The following HAPLN1 variants were observed in gnomAD, a reference collection of about 807,000 sequenced individuals.
HAPLN1 encodes Cartilage link protein.
A neutral mutation model predicts 36.5 loss-of-function variants in HAPLN1; 13 were observed. That is an observed-to-expected ratio of 0.36 (90% CI 0.23 to 0.57). The LOEUF (loss-of-function observed/expected upper bound fraction) is 0.57, where lower values mean the gene tolerates loss of function less well. HAPLN1 is among the 20% of genes least tolerant of loss of function. The pLI is 0.83. For missense variants in HAPLN1, 407 were observed against 439.7 expected (o/e 0.93, Z 0.66); for synonymous variants, 202 against 169.8 (o/e 1.19, Z -1.48).
intron 2 of HAPLN1, among the ~76,000 whole-genome samples, chr5:83,661,095 T>C (rs1035847942): frequency 6.6e-6 from 1 of 152,154 alleles, no homozygotes; most frequent in Non-Finnish European, 1.5e-5. Context: ...GATCGCCTAA[T>C]CTAGTGGTTC....
At chr5:83,683,885 C>T (rs1751059921) in intron 1 of HAPLN1, among the ~76,000 whole-genome samples, 1 of 152,098 alleles carries the variant, frequency 6.6e-6, no homozygotes, top group African/African-American at 2.4e-5. Flanking sequence ...GGACTTCTAA[C>T]AGTGTACATT....
chr5:83,716,989 G>A (rs1041333321), intron 1 of HAPLN1, among the ~76,000 whole-genome samples: 1 of 151,988 alleles, frequency 6.6e-6, no homozygotes, highest in Non-Finnish European at 1.5e-5. Context: ...CCAAGATCAC[G>A]CCATTGTACT....
chr5:83,682,683 A>C (rs1751034253), intron 1 of HAPLN1: 1 of 152,170 alleles, frequency 6.6e-6, no homozygotes, highest in African/African-American at 2.4e-5. Flanking sequence ...TGTTCCAGCC[A>C]AAAGGGCTGT....
At chr5:83,692,762 C>T (rs1751309056) in intron 1 of HAPLN1, among the ~76,000 whole-genome samples, 1 of 151,678 alleles carries the variant, frequency 6.6e-6, no homozygotes. Context: ...ATAATTGAAA[C>T]CTTAAGGTAA....
intron 1 of HAPLN1, among the ~76,000 whole-genome samples, chr5:83,698,246 C>T (rs944881496): frequency 6.6e-6 from 1 of 152,136 alleles, no homozygotes; most frequent in Non-Finnish European, 1.5e-5. Flanking sequence ...CTTCTCCCAG[C>T]ATCTCAGTTT....
chr5:83,666,166 C>T (rs1346595659), intron 2 of HAPLN1, among the ~76,000 whole-genome samples: 6 of 152,132 alleles, frequency 3.9e-5, no homozygotes, highest in Non-Finnish European at 8.8e-5. Context: ...TTCCAAAAGA[C>T]TCTTCCAAAA....
chr5:83,708,674 A>G (rs1751705914), intron 1 of HAPLN1, among the ~76,000 whole-genome samples: 1 of 152,188 alleles, frequency 6.6e-6, no homozygotes, highest in South Asian at 2.1e-4. Flanking sequence ...ACCAGTACCT[A>G]TATCACAAAC....
intron 1 of HAPLN1, among the ~76,000 whole-genome samples, chr5:83,720,293 C>T (rs1165316036): frequency 6.6e-6 from 1 of 152,214 alleles, no homozygotes; most frequent in Admixed American, 6.5e-5. Context: ...GGCAACATTT[C>T]TAAGATTATT....
intron 1 of HAPLN1, among the ~76,000 whole-genome samples, chr5:83,718,525 T>A (rs1751961850): frequency 6.6e-6 from 1 of 152,184 alleles, no homozygotes; most frequent in Admixed American, 6.5e-5. Context: ...TAACCAGCTG[T>A]TTCCTCTAAT....
chr5:83,705,253 G>A (rs1459844681), intron 1 of HAPLN1, among the ~76,000 whole-genome samples: 1 of 151,890 alleles, frequency 6.6e-6, no homozygotes, highest in Non-Finnish European at 1.5e-5. Context: ...AGCTGGGCAT[G>A]GTGGCATGCA....
At chr5:83,716,687 G>A (rs551745731) in intron 1 of HAPLN1, among the ~76,000 whole-genome samples, 1 of 152,266 alleles carries the variant, frequency 6.6e-6, no homozygotes, top group South Asian at 2.1e-4. Context: ...TTCTTGTCTA[G>A]TATCCTTAAG....
intron 2 of HAPLN1, among the ~76,000 whole-genome samples, chr5:83,662,260 G>C (rs746815341): frequency 2.0e-5 from 3 of 152,088 alleles, no homozygotes; most frequent in Admixed American, 2.0e-4. Flanking sequence ...CCCAGGTAAT[G>C]AACTTTTTAT....
chr5:83,665,638 G>T (rs761893037), intron 2 of HAPLN1, among the ~76,000 whole-genome samples: 1 of 152,084 alleles, frequency 6.6e-6, no homozygotes, highest in East Asian at 1.9e-4. Flanking sequence ...AATGCTTCTT[G>T]TTCTAACATA....
intron 2 of HAPLN1, among the ~76,000 whole-genome samples, chr5:83,666,427 A>G (rs1241869275): frequency 6.6e-6 from 1 of 152,156 alleles, no homozygotes; most frequent in African/African-American, 2.4e-5. Context: ...CACACATACT[A>G]TGCTGATTTC....
At position 83,671,708 on chromosome 5, in the gene HAPLN1, A is replaced by C. The variant is rs1394950727; in HGVS notation, c.100+1716T>G. 2.0e-5 allele frequency among the ~76,000 whole-genome samples: 3 copies of C among 152,368 alleles called. No homozygotes were observed. The South Asian group carries it at 6.2e-4, about 32-fold the overall frequency. On this transcript the variant is annotated intron_variant, in intron 2 of 4. Coordinates refer to ENST00000274341, the MANE Select transcript of HAPLN1 (RefSeq NM_001884.4). The stretch of plus-strand genomic sequence containing the variant: ...CAGGTATTTCATTTACGGGCATAAC[A>C]TCATAATCCTATGACCCAAATCACA...
chr5:83,689,427 C>A (rs1388577094), intron 1 of HAPLN1, among the ~76,000 whole-genome samples: 1 of 151,384 alleles, frequency 6.6e-6, no homozygotes, highest in African/African-American at 2.4e-5. Context: ...CATAAATGAA[C>A]ATTTTCATTA....
Position 83,652,729 on chromosome 5 carries a change from C to G in HAPLN1, c.196G>C (p.Asp66His), listed in dbSNP as rs779740510. The stretch of plus-strand genomic sequence containing the variant: ...ATTCCTGAGCCAAATGCTGTAGGGT[C>G]TCGATAAAATTTACATGGCAGTGTA... ...NVTLPCKFYR[D>H]PTAFGSGIHK... The change falls in exon 3 of 5, where the codon GAC becomes CAC. Residue 66 changes from aspartate (D) to histidine (H), a missense_variant. Coordinates refer to ENST00000274341, the MANE Select transcript of HAPLN1 (RefSeq NM_001884.4). The G allele has an allele frequency of 8.1e-6, 13 of 1,613,994 alleles. No homozygotes were observed. Among genetic ancestry groups the G allele is most frequent in the Non-Finnish European group, 1.1e-5 (13 of 1,179,992 alleles).
chr5:83,653,178 C>A (rs1750121874), intron 2 of HAPLN1, among the ~76,000 whole-genome samples: 1 of 151,978 alleles, frequency 6.6e-6, no homozygotes, highest in Non-Finnish European at 1.5e-5. Context: ...AGAAACAAGA[C>A]CAAGAGAAGT....
At position 83,663,223 on chromosome 5, in the gene HAPLN1, G is replaced by C. The variant is rs78011644; in HGVS notation, c.100+10201C>G. 9.3e-4 allele frequency among the ~76,000 whole-genome samples: 142 copies of C among 152,222 alleles called. 2 individuals are homozygous for C. In the East Asian group the frequency reaches 0.026, roughly 28 times the overall value. On this transcript the variant is annotated intron_variant, in intron 2 of 4. Coordinates refer to ENST00000274341, the MANE Select transcript of HAPLN1 (RefSeq NM_001884.4). Reference sequence around the variant, plus strand: ...AGAGGATGAAGGCTGAAAAATAGCAGGCCTTTGGATTTTTCAACAGAGGCT... The same window carrying C: ...AGAGGATGAAGGCTGAAAAATAGCACGCCTTTGGATTTTTCAACAGAGGCT...
Sources: allele counts gnomAD v4.1 joint callset (sites outside exome capture counted in the v4.1 genomes callset), GRCh38; gene constraint gnomAD v4.1.1; transcripts MANE v1.5; gene names NCBI Gene and HGNC (gene_info 2026-07-23, HGNC 2026-07-21).